Variants in GALNT13 observed in about 807,000 individuals in gnomAD.
The protein encoded by GALNT13 is UDP-GalNAc:polypeptide N-acetylgalactosaminyltransferase 13.
In GALNT13, 28 loss-of-function variants were observed where a neutral mutation model predicts 64.2. The ratio of observed to expected loss-of-function variants is 0.44; its 90% confidence interval spans 0.32 to 0.60. The LOEUF (loss-of-function observed/expected upper bound fraction) is 0.60, where lower values mean the gene tolerates loss of function less well. GALNT13 is among the 20% of genes least tolerant of loss of function. The pLI is 0.05. For synonymous variants in GALNT13, 214 were observed against 224.6 expected (o/e 0.95, Z 0.42); for missense variants, 577 against 669.8 (o/e 0.86, Z 1.53).
At chr2:153,619,321 C>G in the GALNT13 span, among the ~76,000 whole-genome samples, 1 of 152,026 alleles carries the variant, frequency 6.6e-6, no homozygotes, top group South Asian at 2.1e-4. Context: ...AACTCTATGC[C>G]TTAAATTCAT....
the GALNT13 span, among the ~76,000 whole-genome samples, chr2:153,148,780 A>T: frequency 1.3e-5 from 2 of 151,910 alleles, no homozygotes; most frequent in South Asian, 4.1e-4. Flanking sequence ...ATGGCTTTCA[A>T]TCAATTCTTT....
chr2:153,079,083 C>T, the GALNT13 span, among the ~76,000 whole-genome samples: 7 of 152,008 alleles, frequency 4.6e-5, no homozygotes, highest in African/African-American at 1.4e-4. Context: ...GATTAGGAGA[C>T]GACTGCCACT....
chr2:153,879,380 G>A (rs906868215), intron 1 of GALNT13, among the ~76,000 whole-genome samples: 81 of 150,938 alleles, frequency 5.4e-4, no homozygotes, highest in African/African-American at 1.9e-3. Context: ...GTGTGTGTGT[G>A]TGCATGTGTG....
the GALNT13 span, among the ~76,000 whole-genome samples, chr2:153,562,034 C>T: frequency 2.3e-4 from 25 of 107,302 alleles, no homozygotes; most frequent in Non-Finnish European, 3.6e-4. Flanking sequence ...CCTCTCCTCT[C>T]TCTCTCTTTC....
At chr2:153,421,007 C>T in the GALNT13 span, 2 of 174,958 alleles carry the variant, frequency 1.1e-5, no homozygotes, top group Non-Finnish European at 2.6e-5. Context: ...TGCATTTGGT[C>T]TTGTTAGTGG....
the GALNT13 span, among the ~76,000 whole-genome samples, chr2:153,126,591 C>T: frequency 6.6e-6 from 1 of 152,006 alleles, no homozygotes; most frequent in South Asian, 2.1e-4. Context: ...TGCCACACTG[C>T]CTCTAGATTT....
chr2:153,594,830 G>A, the GALNT13 span, among the ~76,000 whole-genome samples: 1,834 of 152,052 alleles, frequency 0.012, 33 homozygotes, highest in African/African-American at 0.041. Context: ...CGCTTCTGCC[G>A]TCATCTAGCT....
At chr2:153,661,135 G>C in the GALNT13 span, among the ~76,000 whole-genome samples, 1 of 152,076 alleles carries the variant, frequency 6.6e-6, no homozygotes, top group East Asian at 1.9e-4. Context: ...TTTGCCACTA[G>C]CAAACTTGTA....
At chr2:153,377,380 A>G in the GALNT13 span, among the ~76,000 whole-genome samples, 1 of 152,092 alleles carries the variant, frequency 6.6e-6, no homozygotes, top group South Asian at 2.1e-4. Flanking sequence ...TTGAAATTTA[A>G]TTCCCAGTGT....
At chr2:153,208,223 T>C in the GALNT13 span, 4 of 152,326 alleles carry the variant, frequency 2.6e-5, 1 homozygote, top group South Asian at 8.3e-4. Flanking sequence ...AGTTTTAACA[T>C]TTGGTAGAGT....
intron 3 of GALNT13, among the ~76,000 whole-genome samples, chr2:153,976,874 G>T (rs1174239821): frequency 6.6e-6 from 1 of 152,038 alleles, no homozygotes; most frequent in East Asian, 1.9e-4. Context: ...ATATGGGTAT[G>T]CATTTAAAAT....
the GALNT13 span, among the ~76,000 whole-genome samples, chr2:153,272,828 G>A: frequency 6.6e-6 from 1 of 151,910 alleles, no homozygotes; most frequent in Non-Finnish European, 1.5e-5. Context: ...TACGTATATT[G>A]CAGCACTATT....
chr2:154,363,676 A>G (rs1160117193), intron 9 of GALNT13, among the ~76,000 whole-genome samples: 1 of 152,218 alleles, frequency 6.6e-6, no homozygotes, highest in East Asian at 1.9e-4. Context: ...TTTTTATGTG[A>G]AGCTCTTTTG....
the GALNT13 span, among the ~76,000 whole-genome samples, chr2:153,148,341 T>C: frequency 6.6e-6 from 1 of 151,870 alleles, no homozygotes; most frequent in Non-Finnish European, 1.5e-5. Context: ...CCAGGAATAA[T>C]ATCAGTTTCC....
At chr2:153,362,446 A>T in the GALNT13 span, among the ~76,000 whole-genome samples, 1 of 151,604 alleles carries the variant, frequency 6.6e-6, no homozygotes, top group Non-Finnish European at 1.5e-5. Context: ...TTGAATAAAG[A>T]GTCAAGACCC....
chr2:154,030,120 C>T (rs1698245673), intron 3 of GALNT13, among the ~76,000 whole-genome samples: 1 of 151,520 alleles, frequency 6.6e-6, no homozygotes, highest in African/African-American at 2.4e-5. Context: ...GCAAATAATT[C>T]TCTGAAATTA....
At chr2:153,859,725 G>T in the GALNT13 span, among the ~76,000 whole-genome samples, 1 of 152,096 alleles carries the variant, frequency 6.6e-6, no homozygotes, top group Non-Finnish European at 1.5e-5. Flanking sequence ...CAACTTTCTA[G>T]ATGTAACTGG....
At chr2:153,897,342 G>T (rs942236561) in intron 1 of GALNT13, among the ~76,000 whole-genome samples, 1 of 152,002 alleles carries the variant, frequency 6.6e-6, no homozygotes, top group Non-Finnish European at 1.5e-5. Flanking sequence ...GATATGGAGC[G>T]CAATATTCTC....
At chr2:153,552,185 C>CAAATACCTGTTT in the GALNT13 span, among the ~76,000 whole-genome samples, 2 of 152,032 alleles carry the variant, frequency 1.3e-5, no homozygotes, top group African/African-American at 4.8e-5. Flanking sequence ...GAGTGGTGGG[C>CAAATACCTGTTT]AAATACCTGT....
Sources: gnomAD v4.1 joint callset for allele counts (sites outside exome capture counted in the v4.1 genomes callset) on GRCh38, gnomAD v4.1.1 for gene constraint, MANE v1.5 for transcripts, NCBI Gene and HGNC (gene_info 2026-07-23, HGNC 2026-07-21) for gene names.